Variants in SKAP2 observed in about 807,000 individuals in gnomAD.
The protein encoded by SKAP2 is src kinase-associated phosphoprotein 2.
In SKAP2, 28 loss-of-function variants were observed where a neutral mutation model predicts 54.9. That is an observed-to-expected ratio of 0.51 (90% CI 0.38 to 0.70). The LOEUF is 0.70. Ranked by LOEUF, SKAP2 falls within the 30% of genes least tolerant of loss-of-function variation. The pLI is 0.00. For synonymous variants in SKAP2, 137 were observed against 134.3 expected (o/e 1.02, Z -0.14); for missense variants, 356 against 424.1 (o/e 0.84, Z 1.41).
intron 3 of SKAP2, among the ~76,000 whole-genome samples, chr7:26,853,548 C>A (rs750503545): frequency 4.7e-5 from 7 of 150,052 alleles, no homozygotes; most frequent in Non-Finnish European, 1.0e-4. Context: ...TCACATATTT[C>A]AAAAAAAAAT....
In SKAP2 at chr7:26,726,937, T is replaced by G; in HGVS notation, c.539A>C (p.Asp180Ala). ...TTCAAAACAGCAATCTTTCTTTCCA[T>G]CCTTTCTTAGAGTGTTATTCATTCT... The part of the protein sequence containing the change: ...SVRMNNTLRK[D>A]GKKDCCFEIS... The change falls in exon 7 of 13, where the codon GAT becomes GCT. Residue 180 changes from aspartate (D) to alanine (A), a missense_variant. Coordinates refer to ENST00000345317, the MANE Select transcript of SKAP2 (RefSeq NM_003930.5). 1.2e-6 allele frequency: 2 copies of G among 1,611,028 alleles called. No homozygotes were observed. Among genetic ancestry groups the G allele is most frequent in the Non-Finnish European group, 1.7e-6 (2 of 1,178,180 alleles).
At chr7:26,725,652 A>T in intron 8 of SKAP2, 87 bp from the exon 9 acceptor site, 1 of 1,239,294 alleles carries the variant, frequency 8.1e-7, no homozygotes, top group Non-Finnish European at 1.1e-6. Context: ...GCAGCCCTAC[A>T]AAGCAACAAC....
chr7:26,778,523 A>G (rs1461587827), intron 4 of SKAP2, among the ~76,000 whole-genome samples: 1 of 152,058 alleles, frequency 6.6e-6, no homozygotes. Flanking sequence ...TATTTCTATC[A>G]CTGCATCCAT....
In SKAP2 at chr7:26,700,356, T is replaced by C. The variant is rs1295504924; in HGVS notation, c.797-9994A>G. 5.3e-5 allele frequency among the ~76,000 whole-genome samples: 8 copies of C among 152,302 alleles called. No homozygotes were observed. In the East Asian group the frequency reaches 1.5e-3, roughly 29 times the overall value. Reference sequence around the variant, plus strand: ...TAACATAAAAGACTCTCTTTGATACTCTATGTTAGCAGTTTCTGGAGTCCT... The same window carrying C: ...TAACATAAAAGACTCTCTTTGATACCCTATGTTAGCAGTTTCTGGAGTCCT... On this transcript the variant is annotated intron_variant, in intron 9 of 12. Coordinates refer to ENST00000345317, the MANE Select transcript of SKAP2 (RefSeq NM_003930.5).
At chr7:26,735,779 T>C (rs1469463870) in intron 6 of SKAP2, among the ~76,000 whole-genome samples, 3 of 152,116 alleles carry the variant, frequency 2.0e-5, no homozygotes, top group Non-Finnish European at 2.9e-5. Context: ...AGAAAAAAAT[T>C]ATTTGACATA....
Position 26,667,731 on chromosome 7 carries a change from G to C in SKAP2, c.*1935C>G, listed in dbSNP as rs1786133194. 6.6e-6 allele frequency: 1 copy of C among 152,594 alleles called. No homozygotes were observed. The highest frequency in any genetic ancestry group is 1.5e-5 in the Non-Finnish European group (1 of 68,032). 9.5% of individuals were successfully genotyped at this position (152,594 alleles called of 1,614,324 possible). Reference sequence around the variant, plus strand: ...TGCCATGGGGGAAGGGTTTCAAGAGGTTTTGTCTGCAATGAAAAGCTGCTG... The same window carrying C: ...TGCCATGGGGGAAGGGTTTCAAGAGCTTTTGTCTGCAATGAAAAGCTGCTG... On this transcript the variant is annotated 3_prime_UTR_variant, in exon 13 of 13. Transcript: ENST00000345317.
chr7:26,820,367 A>C (rs1350664054), intron 4 of SKAP2, among the ~76,000 whole-genome samples: 1 of 152,222 alleles, frequency 6.6e-6, no homozygotes, highest in Non-Finnish European at 1.5e-5. Flanking sequence ...ATGTGACAGT[A>C]ACTACATATC....
intron 4 of SKAP2, among the ~76,000 whole-genome samples, chr7:26,841,893 T>C (rs1386816604): frequency 6.6e-6 from 1 of 152,046 alleles, no homozygotes; most frequent in Admixed American, 6.6e-5. Context: ...AAAGGCCTTT[T>C]GGTGACCTGT....
chr7:26,686,169 AAAAAG>A (rs1786636165), intron 10 of SKAP2, among the ~76,000 whole-genome samples: 1 of 152,206 alleles, frequency 6.6e-6, no homozygotes, highest in African/African-American at 2.4e-5. Flanking sequence ...TAAAGCCAAA[AAAAAG>A]AGAATCTGAA....
chr7:26,654,879 A>G, the SKAP2 span, among the ~76,000 whole-genome samples: 48 of 152,336 alleles, frequency 3.2e-4, no homozygotes, highest in African/African-American at 1.1e-3. Context: ...AAACACAAAG[A>G]TTCCTTTTGA....
At chr7:26,788,807 C>G (rs1783612802) in intron 4 of SKAP2, among the ~76,000 whole-genome samples, 1 of 151,438 alleles carries the variant, frequency 6.6e-6, no homozygotes, top group Non-Finnish European at 1.5e-5. Flanking sequence ...TACATGTATA[C>G]ACAGATACAC....
At chr7:26,765,873 CT>C (rs1783040572) in intron 4 of SKAP2, among the ~76,000 whole-genome samples, 1 of 152,058 alleles carries the variant, frequency 6.6e-6, no homozygotes, top group Non-Finnish European at 1.5e-5. Flanking sequence ...TTACCATAGC[CT>C]TGTAGTATAG....
chr7:26,734,592 TTTCTCACAG>T (rs1197093307), intron 6 of SKAP2, among the ~76,000 whole-genome samples: 1 of 152,166 alleles, frequency 6.6e-6, no homozygotes, highest in Non-Finnish European at 1.5e-5. Context: ...TAGAAATTTA[TTTCTCACAG>T]TTCTGGGAGC....
intron 4 of SKAP2, among the ~76,000 whole-genome samples, chr7:26,759,324 G>A (rs963148224): frequency 2.6e-5 from 4 of 152,042 alleles, no homozygotes; most frequent in African/African-American, 4.8e-5. Flanking sequence ...CACAGCAACC[G>A]CACAAGTTAT....
At chr7:26,703,750 T>C (rs1562581096) in intron 9 of SKAP2, among the ~76,000 whole-genome samples, 1 of 152,218 alleles carries the variant, frequency 6.6e-6, no homozygotes, top group Non-Finnish European at 1.5e-5. Context: ...TACTGTGTAC[T>C]AAACACCACT....
At chr7:26,825,537 T>C (rs1266821873) in intron 4 of SKAP2, among the ~76,000 whole-genome samples, 1 of 145,204 alleles carries the variant, frequency 6.9e-6, no homozygotes, top group African/African-American at 2.6e-5. Context: ...TTCTCATACA[T>C]TGCTAAAAAG....
chr7:26,844,149 A>AG lies in SKAP2; in HGVS notation c.200-13_200-12insC. The AG allele has an allele frequency of 6.6e-7, 1 of 1,523,176 alleles. No individual in the cohort carries two copies. Among genetic ancestry groups the AG allele is most frequent in the Non-Finnish European group, 9.1e-7 (1 of 1,102,022 alleles). 94.4% of individuals were successfully genotyped at this position (1,523,176 alleles called of 1,614,324 possible). The stretch of plus-strand genomic sequence containing the variant: ...ATCTTCTGCATCACCTGTTAAAAAA[A>AG]AAAAAAATCAGAGAACTGCCTTTTA... On this transcript the variant is annotated splice_polypyrimidine_tract_variant and intron_variant, in intron 3 of 12. Coordinates refer to ENST00000345317, the MANE Select transcript of SKAP2 (RefSeq NM_003930.5).
At chr7:26,814,602 C>T (rs1784225798) in intron 4 of SKAP2, among the ~76,000 whole-genome samples, 1 of 150,524 alleles carries the variant, frequency 6.6e-6, no homozygotes, top group South Asian at 2.1e-4. Flanking sequence ...TAAATATTTC[C>T]AACACATCAG....
At chr7:26,764,574 T>C (rs984935892) in intron 4 of SKAP2, among the ~76,000 whole-genome samples, 3 of 152,062 alleles carry the variant, frequency 2.0e-5, no homozygotes, top group Non-Finnish European at 4.4e-5. Flanking sequence ...TAATCTCTTC[T>C]TTTTTTCTTT....
Sources: gnomAD v4.1 joint callset for allele counts (sites outside exome capture counted in the v4.1 genomes callset) on GRCh38, gnomAD v4.1.1 for gene constraint, MANE v1.5 for transcripts, NCBI Gene and HGNC (gene_info 2026-07-23, HGNC 2026-07-21) for gene names.